The following HEMK1 variants were observed in gnomAD, a reference collection of about 807,000 sequenced individuals.
HEMK1 encodes the protein HemK methyltransferase 1, mitochondrial release factors N(5)-glutamine.
HEMK1 carries 36 observed loss-of-function variants against 47.9 expected under a neutral mutation model. The ratio of observed to expected loss-of-function variants is 0.75; its 90% confidence interval spans 0.58 to 0.99. The LOEUF (loss-of-function observed/expected upper bound fraction) is 0.99, where lower values mean the gene tolerates loss of function less well. Ranked by LOEUF, HEMK1 falls within the 50% of genes least tolerant of loss-of-function variation. HEMK1 has a pLI of 0.00. For missense variants in HEMK1, 383 were observed against 434.5 expected (o/e 0.88, Z 1.05); for synonymous variants, 153 against 165.4 (o/e 0.93, Z 0.57).
chr3:50,577,062 A>G lies in HEMK1; in HGVS notation c.425A>G (p.Glu142Gly), dbSNP rs900634579. The change falls in exon 5 of 11, where the codon GAG becomes GGG. Residue 142 changes from glutamate (E) to glycine (G), a missense_variant. Glu to Gly is a moderately conservative substitution (Grantham distance 98). Transcript: ENST00000232854. ...CCCTCTGCTTCACAGGAACTGGTTG[A>G]GTGGGTGCTGGAAGAGGTGGCCCAG... ...IPRPETEELV[E>G]WVLEEVAQRS... The G allele has an allele frequency of 1.2e-6, 2 of 1,613,930 alleles. No homozygotes were observed. Among genetic ancestry groups the G allele is most frequent in the Admixed American group, 3.3e-5 (2 of 59,980 alleles).
intron 2 of HEMK1, 56 bp from the exon 3 acceptor site, chr3:50,571,654 T>C (rs1700976937): frequency 5.3e-6 from 8 of 1,512,802 alleles, no homozygotes; most frequent in Admixed American, 1.7e-5. Flanking sequence ...ATAAGACACC[T>C]GGGTTGGGGG....
At chr3:50,579,201 C>T (rs1256581979) in intron 8 of HEMK1, among the ~76,000 whole-genome samples, 1 of 152,174 alleles carries the variant, frequency 6.6e-6, no homozygotes, top group East Asian at 1.9e-4. Flanking sequence ...TGCAGGGCCA[C>T]GGGAGGACTC....
At chr3:50,579,010 G>C in intron 8 of HEMK1, 84 bp downstream of exon 8, 1 of 1,004,150 alleles carries the variant, frequency 1.0e-6, no homozygotes, top group South Asian at 1.4e-5. Flanking sequence ...ACCATCTGGA[G>C]GGACAGGGGA....
Position 50,578,847 on chromosome 3 carries a change from G to A in HEMK1, c.691G>A (p.Gly231Ser), listed in dbSNP as rs1176719454. ...AAGGAGCTGGACACACCTGCCCTGG[G>A]GCCCCATGGACCTGATTGTCAGCAA... ...SERSWTHLPW[G>S]PMDLIVSNPP... Residue 231 changes from glycine to serine, a missense_variant, in exon 8 of 11, where the codon GGC (glycine) becomes AGC (serine). Coordinates refer to ENST00000232854, the MANE Select transcript of HEMK1 (RefSeq NM_016173.5). The A allele has an allele frequency of 3.7e-6, 6 of 1,613,176 alleles. No homozygotes were observed. Among genetic ancestry groups the A allele is most frequent in the Non-Finnish European group, 5.1e-6 (6 of 1,179,646 alleles).
rs1471389665 is a variant in HEMK1, at chr3:50,586,626, C to T, written c.*6209C>T. 6.6e-6 allele frequency: 1 copy of T among 152,286 alleles called. No individual in the cohort carries two copies. Among genetic ancestry groups the T allele is most frequent in the African/African-American group, 2.4e-5 (1 of 41,418 alleles). The allele number at this position is 152,286 out of a possible 1,614,324, so 9.4% of individuals were successfully genotyped here. ...GGGGAAATGGTGGGATCAGATATCC[C>T]CTACTGAGCCCAGGGAGCAGATTGT... On this transcript the variant is annotated 3_prime_UTR_variant, in exon 11 of 11. Transcript: ENST00000232854.
chr3:50,577,921 G>A, intron 7 of HEMK1, 46 bp downstream of exon 7: 1 of 1,572,182 alleles, frequency 6.4e-7, no homozygotes, highest in Admixed American at 1.7e-5. Context: ...CTAGATGCAG[G>A]TGCTGCTGGG....
intron 6 of HEMK1, 26 bp downstream of exon 6, chr3:50,577,599 G>T (rs1278610010): frequency 1.2e-6 from 2 of 1,604,412 alleles, no homozygotes; most frequent in East Asian, 2.2e-5. Flanking sequence ...GCACTTTGGG[G>T]CCTAATCTTG....
At chr3:50,578,291 C>T (rs998282107) in intron 7 of HEMK1, among the ~76,000 whole-genome samples, 3 of 152,212 alleles carry the variant, frequency 2.0e-5, no homozygotes, top group African/African-American at 7.2e-5. Context: ...ACAGTGTCTC[C>T]AGGCCTCCAA....
Position 50,584,785 on chromosome 3 carries a change from C to A in HEMK1, c.*4368C>A, listed in dbSNP as rs550585440. The A allele has an allele frequency of 1.3e-5, 2 of 152,338 alleles. No homozygotes were observed. Among genetic ancestry groups the A allele is most frequent in the South Asian group, 4.1e-4 (2 of 4,826 alleles). The allele number at this position is 152,338 out of a possible 1,614,324, so 9.4% of individuals were successfully genotyped here. ...ACACATGTGTGATAATTTGTTACAG[C>A]AGCCACGGGAAACGAATATAGATTG... On this transcript the variant is annotated 3_prime_UTR_variant, in exon 11 of 11. Coordinates refer to ENST00000232854, the MANE Select transcript of HEMK1 (RefSeq NM_016173.5).
chr3:50,580,762 C>A lies in HEMK1; in HGVS notation c.*345C>A. ...CACTGGGGCAAGGGTTTCCTTCTGC[C>A]CCAGCAGGGCTGGCCGTCAGTCCCC... On this transcript the variant is annotated 3_prime_UTR_variant, in exon 11 of 11. Coordinates refer to ENST00000232854, the MANE Select transcript of HEMK1 (RefSeq NM_016173.5). 1 of 362,236 alleles carries A rather than the reference C, an allele frequency of 2.8e-6. No individual in the cohort carries two copies. The highest frequency in any genetic ancestry group is 5.1e-6 in the Non-Finnish European group (1 of 195,436). 22.4% of individuals were successfully genotyped at this position (362,236 alleles called of 1,614,324 possible). A position where few individuals can be genotyped will look rare whatever the true frequency, so the allele number is the denominator to read the frequency against.
At position 50,589,148 on chromosome 3, in the gene HEMK1, T is replaced by C. The variant is rs1220179082; in HGVS notation, c.*8731T>C. On this transcript the variant is annotated 3_prime_UTR_variant, in exon 11 of 11. Coordinates refer to ENST00000232854, the MANE Select transcript of HEMK1 (RefSeq NM_016173.5). ...GAACTGGGGGCTGGGATGGTAGTTG[T>C]AGTCTTATGTTGGTCTCAATGTCCA... The C allele has an allele frequency of 2.6e-5, 4 of 152,242 alleles. No homozygotes were observed. The highest frequency in any genetic ancestry group is 9.6e-5 in the African/African-American group (4 of 41,468). The allele number at this position is 152,242 out of a possible 1,614,324, so 9.4% of individuals were successfully genotyped here.
intron 7 of HEMK1, among the ~76,000 whole-genome samples, chr3:50,578,267 C>T (rs1005308680): frequency 3.9e-5 from 6 of 152,238 alleles, no homozygotes; most frequent in African/African-American, 1.4e-4. Flanking sequence ...CTGCACAGCT[C>T]AGCTATAGCC....
intron 8 of HEMK1, 118 bp downstream of exon 8, chr3:50,579,044 TGTTAA>T (rs1268117712): frequency 5.5e-6 from 4 of 720,996 alleles, no homozygotes; most frequent in Non-Finnish European, 9.3e-6. Flanking sequence ...TGGGCAATGG[TGTTAA>T]GTTGACGCAC....
At position 50,571,880 on chromosome 3, in the gene HEMK1, G is replaced by A. The variant is rs976961379; in HGVS notation, c.320+79G>A. 37 of 1,470,416 alleles carry A rather than the reference G, an allele frequency of 2.5e-5. No individual in the cohort carries two copies. The Admixed American group carries it at 6.0e-4, about 24-fold the overall frequency. 91.1% of individuals were successfully genotyped at this position (1,470,416 alleles called of 1,614,324 possible). On this transcript the variant is annotated intron_variant, in intron 3 of 10. Coordinates refer to ENST00000232854, the MANE Select transcript of HEMK1 (RefSeq NM_016173.5). ...CCTCCCCTATCCCCACCAAGTTCAG[G>A]GAGGAGGAGAATGTCCAAGGACTAG... is the stretch of plus-strand genomic sequence containing the variant.
In HEMK1 at chr3:50,580,208, T is replaced by C; in HGVS notation, c.959T>C (p.Val320Ala). 1.2e-6 allele frequency: 2 copies of C among 1,614,132 alleles called. No individual in the cohort carries two copies. Among genetic ancestry groups the C allele is most frequent in the Non-Finnish European group, 1.7e-6 (2 of 1,179,990 alleles). ...RPDLYLNLVAVRRDFCGRPRF... is the reference protein window; with the variant it reads ...RPDLYLNLVAARRDFCGRPRF... ...GACCTGTACCTTAATCTTGTGGCTGTGCGCAGGGACTTCTGTGGGAGGTAA... is the reference window on the plus strand; with the variant it reads ...GACCTGTACCTTAATCTTGTGGCTGCGCGCAGGGACTTCTGTGGGAGGTAA... Residue 320 changes from valine (V) to alanine (A), a missense_variant, in exon 10 of 11, where the codon GTG becomes GCG. Val to Ala is a moderately conservative substitution (Grantham distance 64, BLOSUM62 0). Coordinates refer to ENST00000232854, the MANE Select transcript of HEMK1 (RefSeq NM_016173.5).
At chr3:50,577,332 TTCACAGAC>T in intron 5 of HEMK1, 146 bp downstream of exon 5, 1 of 1,164,468 alleles carries the variant, frequency 8.6e-7, no homozygotes, top group Non-Finnish European at 1.3e-6. Context: ...CCCACTGTGG[TTCACAGAC>T]TCTAACGCCT....
chr3:50,571,321 GGAGCCAAAACAGTT>G lies in HEMK1; in HGVS notation c.218_228+3del. The G allele has an allele frequency of 6.3e-7, 1 of 1,592,556 alleles. No homozygotes were observed. The highest frequency in any genetic ancestry group is 1.1e-5 in the South Asian group (1 of 87,626). On this transcript the variant is annotated splice_donor_variant and splice_donor_region_variant and coding_sequence_variant and intron_variant, in exon 2 of 11. Transcript: ENST00000232854. LOFTEE classifies it high-confidence loss of function. ...TGAGTACATCGTGGCTCATGTCCTT[GGAGCCAAAACAGTT>G]AAGTTTAGTGTTGTCAAGAGGACAG...
intron 7 of HEMK1, 100 bp from the exon 8 acceptor site, chr3:50,578,721 A>C (rs1203230621): frequency 1.3e-6 from 1 of 761,284 alleles, no homozygotes; most frequent in Non-Finnish European, 2.2e-6. Flanking sequence ...GGCAGGCCCA[A>C]GGTGTGGCAT....
chr3:50,572,343 CTCTCTGACTGTGT>C, intron 4 of HEMK1, 135 bp downstream of exon 4: 1 of 860,400 alleles, frequency 1.2e-6, no homozygotes, highest in Non-Finnish European at 1.8e-6. Flanking sequence ...CATGTATTTC[CTCTCTGACTGTGT>C]TGGCAGAGCC....
Sources: gnomAD v4.1 joint callset for allele counts (sites outside exome capture counted in the v4.1 genomes callset) on GRCh38, gnomAD v4.1.1 for gene constraint, MANE v1.5 for transcripts, NCBI Gene and HGNC (gene_info 2026-07-23, HGNC 2026-07-21) for gene names.